The following RARS1 variants were observed in gnomAD, a reference collection of about 807,000 sequenced individuals.
RARS1 encodes the protein arginine--tRNA ligase, cytoplasmic.
RARS1 carries 75 observed loss-of-function variants against 78.7 expected under a neutral mutation model. That is an observed-to-expected ratio of 0.95 (90% CI 0.79 to 1.15). The LOEUF (loss-of-function observed/expected upper bound fraction) is 1.15, where lower values mean the gene tolerates loss of function less well. Ranked by LOEUF, RARS1 falls within the 50% of genes most tolerant of loss-of-function variation. The pLI, the probability that RARS1 is intolerant of heterozygous loss-of-function variation, is 0.00. For synonymous variants in RARS1, 273 were observed against 268.2 expected, an observed-to-expected ratio of 1.02 and a Z score of -0.18; for missense variants, 787 against 787.5, an observed-to-expected ratio of 1.00 and a Z score of 0.01.
At chr5:168,505,918 A>G in intron 9 of RARS1, 103 bp from the exon 10 acceptor site, 1 of 1,005,038 alleles carries the variant, frequency 9.9e-7, no homozygotes, top group South Asian at 1.6e-5. Flanking sequence ...ATATTTCAAA[A>G]TATTCTTAGA....
chr5:168,517,488 G>C (rs1043411691), intron 13 of RARS1, among the ~76,000 whole-genome samples: 7 of 152,050 alleles, frequency 4.6e-5, no homozygotes, highest in Non-Finnish European at 1.0e-4. Flanking sequence ...AAGCATCTTT[G>C]GAAATACGTC....
At chr5:168,498,361 T>C (rs1420097554) in intron 7 of RARS1, among the ~76,000 whole-genome samples, 1 of 152,240 alleles carries the variant, frequency 6.6e-6, no homozygotes, top group Non-Finnish European at 1.5e-5. Context: ...TTTGATATGA[T>C]TAAATGTATG....
At chr5:168,515,728 A>G (rs769744428) in intron 12 of RARS1, among the ~76,000 whole-genome samples, 2 of 152,218 alleles carry the variant, frequency 1.3e-5, no homozygotes, top group Admixed American at 1.3e-4. Flanking sequence ...CCATACTTCA[A>G]TGGCGTGTGT....
chr5:168,491,920 C>T (rs1181377655), intron 2 of RARS1, among the ~76,000 whole-genome samples: 1 of 140,902 alleles, frequency 7.1e-6, no homozygotes, highest in Non-Finnish European at 1.6e-5. Flanking sequence ...TGTTTATCTT[C>T]TATTAAAAGC....
At chr5:168,494,525 A>G in intron 4 of RARS1, 25 bp from the exon 5 acceptor site, 1 of 1,604,542 alleles carries the variant, frequency 6.2e-7, no homozygotes, top group Non-Finnish European at 8.5e-7. Flanking sequence ...ACAGTATCTG[A>G]TATTTTTTCT....
chr5:168,507,395 C>A (rs1758470880), intron 11 of RARS1, among the ~76,000 whole-genome samples: 1 of 152,086 alleles, frequency 6.6e-6, no homozygotes, highest in African/African-American at 2.4e-5. Context: ...AACCGTGTTT[C>A]CATACAGTAT....
In RARS1 at chr5:168,502,836, T is replaced by C. The variant is rs75409719; in HGVS notation, c.1057+731T>C. 4.8e-3 allele frequency among the ~76,000 whole-genome samples: 733 copies of C among 152,224 alleles called. 21 individuals are homozygous for C. The East Asian group carries it at 0.096, about 20-fold the overall frequency. On this transcript the variant is annotated intron_variant, in intron 9 of 14. Coordinates refer to ENST00000231572, the MANE Select transcript of RARS1 (RefSeq NM_002887.4). ...ATCCACCCACCTCAGCCTCCCAAAG[T>C]GTTGGATTCATGATTTTTTTTAACA... is the stretch of plus-strand genomic sequence containing the variant.
chr5:168,500,850 T>C, intron 8 of RARS1, 130 bp downstream of exon 8: 1 of 1,174,218 alleles, frequency 8.5e-7, no homozygotes, highest in Non-Finnish European at 1.1e-6. Flanking sequence ...TTTTCTTAAA[T>C]GTATTTCTGA....
At chr5:168,506,290 T>C in intron 10 of RARS1, 91 bp downstream of exon 10, 1 of 1,083,644 alleles carries the variant, frequency 9.2e-7, no homozygotes, top group Non-Finnish European at 1.3e-6. Flanking sequence ...TGGATGACTG[T>C]AAATTTTCCC....
At chr5:168,486,899 G>A (rs2152902965) in intron 1 of RARS1, among the ~76,000 whole-genome samples, 1 of 152,290 alleles carries the variant, frequency 6.6e-6, no homozygotes, top group Middle Eastern at 3.4e-3. Context: ...AGATAGACAA[G>A]GGGGGAATAC....
At chr5:168,508,144 G>A (rs983403922) in intron 11 of RARS1, among the ~76,000 whole-genome samples, 3 of 151,994 alleles carry the variant, frequency 2.0e-5, no homozygotes, top group Non-Finnish European at 2.9e-5. Flanking sequence ...GTTTCTTAAC[G>A]GTTGGTTTTT....
intron 8 of RARS1, 57 bp downstream of exon 8, chr5:168,500,777 G>C: frequency 6.4e-7 from 1 of 1,550,696 alleles, no homozygotes; most frequent in Non-Finnish European, 8.7e-7. Context: ...TCATTTCCTG[G>C]AGTCTTCATT....
intron 9 of RARS1, among the ~76,000 whole-genome samples, chr5:168,504,469 GC>G (rs1353687100): frequency 6.7e-6 from 1 of 150,332 alleles, no homozygotes; most frequent in Non-Finnish European, 1.5e-5. Context: ...ATTGCAGTGA[GC>G]CGAGATCATG....
At chr5:168,494,137 G>T (rs1758136178) in intron 4 of RARS1, 135 bp downstream of exon 4, 1 of 1,248,798 alleles carries the variant, frequency 8.0e-7, no homozygotes. Context: ...TGTGGATTGT[G>T]ATATAGGAAA....
At chr5:168,518,088 T>G in intron 14 of RARS1, 26 bp downstream of exon 14, 1 of 1,429,150 alleles carries the variant, frequency 7.0e-7, no homozygotes, top group Non-Finnish European at 9.1e-7. Flanking sequence ...TTTTTTTTTT[T>G]TTTTTTTAGT....
At chr5:168,517,756 G>A (rs1324625521) in intron 13 of RARS1, 59 bp from the exon 14 acceptor site, 2 of 1,221,212 alleles carry the variant, frequency 1.6e-6, no homozygotes, top group East Asian at 6.2e-5. Context: ...TGGAGAATGA[G>A]TGTGCCTAAA....
chr5:168,495,321 G>C lies in RARS1; in HGVS notation c.586G>C (p.Val196Leu), dbSNP rs1024417181. The change falls in exon 6 of 15, where the codon GTT becomes CTT. Residue 196 changes from valine (V) to leucine (L), a missense_variant. Physicochemically the swap from Val to Leu is conservative, Grantham distance 32. Coordinates refer to ENST00000231572, the MANE Select transcript of RARS1 (RefSeq NM_002887.4). Reference protein sequence around the residue: ...PALGENKKVIVDFSSPNIAKE... With the variant: ...PALGENKKVILDFSSPNIAKE... Reference sequence around the variant, plus strand: ...CTCTTTTTGTCTACCCCAGGTTATAGTTGACTTTTCCTCCCCTAATATAGC... The same window carrying C: ...CTCTTTTTGTCTACCCCAGGTTATACTTGACTTTTCCTCCCCTAATATAGC... The C allele has an allele frequency of 1.2e-6, 2 of 1,613,492 alleles. No homozygotes were observed. Among genetic ancestry groups the C allele is most frequent in the Non-Finnish European group, 1.7e-6 (2 of 1,179,716 alleles).
At chr5:168,506,377 C>T (rs542086942) in intron 10 of RARS1, among the ~76,000 whole-genome samples, 178 bp downstream of exon 10, 6 of 152,280 alleles carry the variant, frequency 3.9e-5, no homozygotes, top group African/African-American at 1.4e-4. Context: ...TGGACACTTC[C>T]TAGTTTTCCA....
At chr5:168,491,460 A>G (rs865956177) in intron 2 of RARS1, among the ~76,000 whole-genome samples, 2 of 152,254 alleles carry the variant, frequency 1.3e-5, no homozygotes, top group African/African-American at 2.4e-5. Flanking sequence ...CCTTGTTTTA[A>G]GTATGTTACC....
Sources: gnomAD v4.1 joint callset for allele counts (sites outside exome capture counted in the v4.1 genomes callset) on GRCh38, gnomAD v4.1.1 for gene constraint, MANE v1.5 for transcripts, NCBI Gene and HGNC (gene_info 2026-07-23, HGNC 2026-07-21) for gene names.